Variants in METTL16 observed in about 807,000 individuals in gnomAD.
METTL16 encodes the protein RNA N(6)-adenosine-methyltransferase METTL16.
METTL16 carries 19 observed loss-of-function variants against 57.9 expected under a neutral mutation model. That is an observed-to-expected ratio of 0.33 (90% CI 0.23 to 0.48). The LOEUF is 0.48. Ranked by LOEUF, METTL16 falls within the 20% of genes least tolerant of loss-of-function variation. The pLI is 0.99. For missense variants in METTL16, 434 were observed against 691.5 expected (o/e 0.63, Z 4.18); for synonymous variants, 246 against 255.6 (o/e 0.96, Z 0.36).
chr17:2,435,195 T>C (rs2066900799), intron 8 of METTL16, among the ~76,000 whole-genome samples: 1 of 152,110 alleles, frequency 6.6e-6, no homozygotes, highest in Non-Finnish European at 1.5e-5. Context: ...ACCAGTGAAT[T>C]AGAATTTTTC....
At chr17:2,474,386 G>GAAAAAAAAAGAAAAAAAAAA (rs2067255495) in intron 3 of METTL16, among the ~76,000 whole-genome samples, 1 of 60,228 alleles carries the variant, frequency 1.7e-5, no homozygotes, top group Non-Finnish European at 4.0e-5. Flanking sequence ...GAAACAAAAA[G>GAAAAAAAAAGAAAAAAAAAA]AAAAAAAAAA....
At chr17:2,467,929 A>G in intron 4 of METTL16, 53 bp from the exon 5 acceptor site, 2 of 1,252,756 alleles carry the variant, frequency 1.6e-6, no homozygotes. Context: ...GTGGTTCTAA[A>G]GTATAACCGC....
chr17:2,495,011 T>G (rs759180256), intron 2 of METTL16, among the ~76,000 whole-genome samples: 2 of 151,488 alleles, frequency 1.3e-5, no homozygotes, highest in Non-Finnish European at 2.9e-5. Context: ...CAAAGTAAAT[T>G]GAAAACCTTC....
intron 3 of METTL16, 87 bp downstream of exon 3, chr17:2,477,599 A>T: frequency 1.0e-6 from 1 of 976,760 alleles, no homozygotes; most frequent in Non-Finnish European, 1.6e-6. Context: ...TACAACAACA[A>T]ATACCCAGTA....
chr17:2,477,481 C>T (rs2067276361), intron 3 of METTL16: 5 of 566,304 alleles, frequency 8.8e-6, no homozygotes, highest in Non-Finnish European at 1.6e-5. Context: ...CGCTCCAACG[C>T]ACATTGCCTT....
Position 2,447,556 on chromosome 17 carries a change from C to T in METTL16, c.729-5997G>A, listed in dbSNP as rs1290201854. On this transcript the variant is annotated intron_variant, in intron 6 of 9. Transcript: ENST00000263092. ...TGAGGAGCCCCTCTGCCTGGCCAGT[C>T]GCCCCGTCCAGGAGGGAGGTGGGGG... Among the ~76,000 whole-genome samples the T allele has an allele frequency of 1.2e-4, 14 of 116,030 alleles. No homozygotes were observed. In the East Asian group the frequency reaches 2.9e-3, roughly 24 times the overall value. The allele number at this position is 116,030 out of a possible 152,430, so 76.1% of individuals were successfully genotyped here.
chr17:2,443,489 CTTT>C (rs370199414), intron 6 of METTL16, among the ~76,000 whole-genome samples: 4 of 136,926 alleles, frequency 2.9e-5, no homozygotes, highest in Non-Finnish European at 4.7e-5. Context: ...CATATCATTT[CTTT>C]TTTTTTTTTT....
At chr17:2,428,604 A>T (rs1441338266) in intron 8 of METTL16, among the ~76,000 whole-genome samples, 16 of 83,518 alleles carry the variant, frequency 1.9e-4, no homozygotes, top group South Asian at 4.3e-4. Context: ...TATATATATA[A>T]ATTGTAATAC....
intron 8 of METTL16, among the ~76,000 whole-genome samples, chr17:2,421,778 G>A (rs2066768168): frequency 6.6e-6 from 1 of 152,098 alleles, no homozygotes; most frequent in Non-Finnish European, 1.5e-5. Flanking sequence ...GAAGGATCAG[G>A]GCCACTAAGA....
Position 2,442,245 on chromosome 17 carries a change from T to C in METTL16, c.729-686A>G, listed in dbSNP as rs2066958431. 2.0e-5 allele frequency among the ~76,000 whole-genome samples: 3 copies of C among 152,312 alleles called. No individual in the cohort carries two copies. The South Asian group carries it at 6.2e-4, about 32-fold the overall frequency. On this transcript the variant is annotated intron_variant, in intron 6 of 9. Transcript: ENST00000263092. ...AACTGGACAAAACATATAAAATAGC[T>C]GTTTTTCAGACATTGGATAACTGGC...
chr17:2,481,020 T>C (rs1248256473), intron 2 of METTL16, among the ~76,000 whole-genome samples: 3 of 152,050 alleles, frequency 2.0e-5, no homozygotes, highest in African/African-American at 4.8e-5. Context: ...TTGGCCAACA[T>C]GGTGCAACTC....
intron 6 of METTL16, among the ~76,000 whole-genome samples, chr17:2,457,063 G>A: frequency 6.6e-6 from 1 of 151,948 alleles, no homozygotes; most frequent in Non-Finnish European, 1.5e-5. Flanking sequence ...GCTGGGCGTG[G>A]TGGCTCACGC....
chr17:2,426,057 T>C (rs1479565256), intron 8 of METTL16, among the ~76,000 whole-genome samples: 2 of 147,564 alleles, frequency 1.4e-5, no homozygotes, highest in Non-Finnish European at 3.0e-5. Context: ...AGCCACAGGC[T>C]GAATGAAATC....
intron 5 of METTL16, among the ~76,000 whole-genome samples, chr17:2,465,446 C>CTGA (rs2067185741): frequency 6.8e-6 from 1 of 147,988 alleles, no homozygotes; most frequent in African/African-American, 2.5e-5. Context: ...ACTCGGGGGG[C>CTGA]TGAGGCAGGA....
chr17:2,446,361 C>T lies in METTL16; in HGVS notation c.729-4802G>A, dbSNP rs575476787. ...ACTGAAATGAAAGAAGTAAAACTGCCTTTACTTCTGCCTTTACATCACAGA... is the reference window on the plus strand; with the variant it reads ...ACTGAAATGAAAGAAGTAAAACTGCTTTTACTTCTGCCTTTACATCACAGA... On this transcript the variant is annotated intron_variant, in intron 6 of 9. Transcript: ENST00000263092. Among the ~76,000 whole-genome samples the T allele has an allele frequency of 2.0e-5, 3 of 152,274 alleles. No homozygotes were observed. In the South Asian group the frequency reaches 6.2e-4, roughly 32 times the overall value.
intron 3 of METTL16, among the ~76,000 whole-genome samples, chr17:2,476,478 TGAAAGAG>T (rs1402234982): frequency 6.6e-6 from 1 of 151,286 alleles, no homozygotes; most frequent in East Asian, 1.9e-4. Flanking sequence ...TGCAAAGAAA[TGAAAGAG>T]GAAACCAGCA....
intron 2 of METTL16, among the ~76,000 whole-genome samples, chr17:2,491,703 G>GT (rs2067392706): frequency 6.6e-6 from 1 of 150,930 alleles, no homozygotes; most frequent in Non-Finnish European, 1.5e-5. Context: ...GTGAAACCCC[G>GT]TCTCTATTAA....
At chr17:2,461,014 T>C (rs575265867) in intron 6 of METTL16, among the ~76,000 whole-genome samples, 1 of 152,200 alleles carries the variant, frequency 6.6e-6, no homozygotes. Flanking sequence ...ATGCTCAGTA[T>C]AATTTTAGTC....
intron 2 of METTL16, 94 bp downstream of exon 2, chr17:2,502,110 A>G: frequency 7.4e-7 from 1 of 1,344,690 alleles, no homozygotes; most frequent in Non-Finnish European, 1.0e-6. Context: ...ACGTTTAATC[A>G]AATGTCTAAG....
Sources: allele counts gnomAD v4.1 joint callset (sites outside exome capture counted in the v4.1 genomes callset), GRCh38; gene constraint gnomAD v4.1.1; transcripts MANE v1.5; gene names NCBI Gene and HGNC (gene_info 2026-07-23, HGNC 2026-07-21).